Variants in CLASP2 observed in about 807,000 individuals in gnomAD.
CLASP2 encodes cytoplasmic linker associated protein 2.
A neutral mutation model predicts 194.4 loss-of-function variants in CLASP2; 47 were observed. That is an observed-to-expected ratio of 0.24 (90% CI 0.19 to 0.31). The LOEUF is 0.31. CLASP2 is among the 10% of genes least tolerant of loss of function. The probability of loss-of-function intolerance (pLI) is 1.00; values close to 1 mark genes in which losing one functional copy is unlikely to be tolerated. For missense variants in CLASP2, 1,445 were observed against 1,823.6 expected, an observed-to-expected ratio of 0.79 and a Z score of 3.78; for synonymous variants, 619 against 633.5, an observed-to-expected ratio of 0.98 and a Z score of 0.34.
At chr3:33,615,597 G>A (rs182063190) in intron 12 of CLASP2, among the ~76,000 whole-genome samples, 9 of 150,006 alleles carry the variant, frequency 6.0e-5, no homozygotes, top group African/African-American at 1.7e-4. Flanking sequence ...CTTGAATAAC[G>A]TAAATAAAAC....
chr3:33,633,450 T>A (rs1195972351), intron 8 of CLASP2, among the ~76,000 whole-genome samples: 1 of 152,194 alleles, frequency 6.6e-6, no homozygotes, highest in Non-Finnish European at 1.5e-5. Context: ...GAGAAAGTTG[T>A]TTCTGGTAGG....
intron 12 of CLASP2, among the ~76,000 whole-genome samples, chr3:33,612,848 A>G (rs1300419313): frequency 6.6e-6 from 1 of 152,152 alleles, no homozygotes; most frequent in East Asian, 1.9e-4. Flanking sequence ...AGTGGATCTC[A>G]TGAAGATAGA....
chr3:33,660,854 T>C (rs1266360399), intron 7 of CLASP2, among the ~76,000 whole-genome samples: 2 of 152,196 alleles, frequency 1.3e-5, no homozygotes, highest in Non-Finnish European at 2.9e-5. Flanking sequence ...ATTTACAGTT[T>C]TAGTTTTAGT....
At chr3:33,710,764 G>A (rs563206691) in intron 1 of CLASP2, among the ~76,000 whole-genome samples, 6 of 152,014 alleles carry the variant, frequency 3.9e-5, no homozygotes, top group African/African-American at 7.2e-5. Flanking sequence ...GTGAAACCCC[G>A]TCTCTACTAA....
chr3:33,667,845 T>G (rs2086469651), intron 6 of CLASP2, among the ~76,000 whole-genome samples: 1 of 152,248 alleles, frequency 6.6e-6, no homozygotes, highest in East Asian at 1.9e-4. Flanking sequence ...CTATATCTAG[T>G]GTTATGCTAG....
In CLASP2 at chr3:33,577,859, G is replaced by A. The variant is rs116288215; in HGVS notation, c.2348-1584C>T. Among the ~76,000 whole-genome samples the A allele has an allele frequency of 3.2e-3, 491 of 152,260 alleles. 3 individuals are homozygous for A. The highest frequency in any genetic ancestry group is 0.011 in the African/African-American group (472 of 41,538). ...TAACATTTGAAAACACAATGAGAAG[G>A]CATCATCTGTGAACAAAGGAATGGG... On this transcript the variant is annotated intron_variant, in intron 23 of 38. Coordinates refer to ENST00000682230, the MANE Select transcript of CLASP2 (RefSeq NM_001365631.1).
chr3:33,511,059 G>T (rs1270442269), intron 36 of CLASP2, among the ~76,000 whole-genome samples: 1 of 144,264 alleles, frequency 6.9e-6, no homozygotes, highest in Non-Finnish European at 1.5e-5. Flanking sequence ...TTGAGACAGG[G>T]TCTTGCTCTG....
intron 35 of CLASP2, 108 bp downstream of exon 35, chr3:33,516,873 C>T: frequency 1.1e-6 from 1 of 946,752 alleles, no homozygotes. Context: ...AAAGCAGCAG[C>T]AGAAGAGATT....
Position 33,638,544 on chromosome 3 carries a change from T to C in CLASP2, c.863-6173A>G, listed in dbSNP as rs573896208. Among the ~76,000 whole-genome samples the C allele has an allele frequency of 7.9e-5, 12 of 152,192 alleles. No individual in the cohort carries two copies. The South Asian group carries it at 2.3e-3, about 29-fold the overall frequency. ...GATGGTCTCGGTCTCCTGACCTTGT[T>C]AGCCGCCCGCCTAGGCCTCCCAAAG... On this transcript the variant is annotated intron_variant, in intron 8 of 38. Transcript: ENST00000682230.
In CLASP2 at chr3:33,497,490, A is replaced by G. The variant is rs539099496; in HGVS notation, c.*1141T>C. The G allele has an allele frequency of 6.5e-6, 1 of 152,770 alleles. No individual in the cohort carries two copies. Among genetic ancestry groups the G allele is most frequent in the South Asian group, 2.1e-4 (1 of 4,830 alleles). The allele number at this position is 152,770 out of a possible 1,614,324, so 9.5% of individuals were successfully genotyped here. A position where few individuals can be genotyped will look rare whatever the true frequency, so the allele number is the denominator to read the frequency against. On this transcript the variant is annotated 3_prime_UTR_variant, in exon 39 of 39. Transcript: ENST00000682230. ...AAAAGTAACAGAAAATCACCCTTTA[A>G]GTAGTTTTCCAAAAGACACTATAGG...
At chr3:33,660,606 A>G (rs940437163) in intron 7 of CLASP2, among the ~76,000 whole-genome samples, 1 of 152,236 alleles carries the variant, frequency 6.6e-6, no homozygotes, top group African/African-American at 2.4e-5. Flanking sequence ...AGGCAAAGAC[A>G]CACCAAAAAA....
chr3:33,650,938 A>T (rs1329273585), intron 7 of CLASP2, among the ~76,000 whole-genome samples: 1 of 152,232 alleles, frequency 6.6e-6, no homozygotes, highest in Non-Finnish European at 1.5e-5. Context: ...CCTGAAAGTC[A>T]AAAAGCTCTA....
intron 30 of CLASP2, among the ~76,000 whole-genome samples, chr3:33,548,196 G>GT (rs1242882812): frequency 1.3e-5 from 2 of 151,796 alleles, no homozygotes; most frequent in Admixed American, 6.6e-5. Flanking sequence ...TTTCATCTAA[G>GT]TTTTTTTATA....
In CLASP2 at chr3:33,591,647, A is replaced by G. The variant is rs116456282; in HGVS notation, c.2068+748T>C. 8.4e-3 allele frequency among the ~76,000 whole-genome samples: 1,285 copies of G among 152,316 alleles called. 21 individuals are homozygous for G. Among genetic ancestry groups the G allele is most frequent in the African/African-American group, 0.028 (1,162 of 41,582 alleles). ...TAAATACTTTTAAAAAATGCCATAA[A>G]TATGTTTACTATTCTGAAACATAGA... On this transcript the variant is annotated intron_variant, in intron 21 of 38. Coordinates refer to ENST00000682230, the MANE Select transcript of CLASP2 (RefSeq NM_001365631.1).
At chr3:33,655,586 C>G (rs772162023) in intron 7 of CLASP2, among the ~76,000 whole-genome samples, 1 of 152,138 alleles carries the variant, frequency 6.6e-6, no homozygotes, top group Non-Finnish European at 1.5e-5. Flanking sequence ...GAAAAGTTAG[C>G]CTTCTTGCCA....
At chr3:33,698,847 A>C (rs2092161982) in intron 1 of CLASP2, among the ~76,000 whole-genome samples, 3 of 152,188 alleles carry the variant, frequency 2.0e-5, no homozygotes, top group Non-Finnish European at 4.4e-5. Flanking sequence ...GACACACAAA[A>C]AAGCAAGGAG....
intron 29 of CLASP2, 176 bp downstream of exon 29, chr3:33,559,131 G>A (rs1365354547): frequency 1.4e-6 from 1 of 692,040 alleles, no homozygotes; most frequent in Middle Eastern, 2.3e-4. Context: ...AAACCTTGGA[G>A]CTCCAAAAAG....
In CLASP2 at chr3:33,663,472, C is replaced by G; in HGVS notation, c.688G>C (p.Gly230Arg). The stretch of plus-strand genomic sequence containing the variant: ...TTGCAGACACTCAAAATCATACCGC[C>G]TGAACTTTGCACTTCATCAAATTTG... ...FAKFDEVQSSGGMILSVCKDK... is the reference protein window; with the variant it reads ...FAKFDEVQSSRGMILSVCKDK... Residue 230 changes from glycine to arginine, a missense_variant, in exon 7 of 39, where the codon GGC (glycine) becomes CGC (arginine). Transcript: ENST00000682230. The G allele has an allele frequency of 6.2e-7, 1 of 1,612,620 alleles. No individual in the cohort carries two copies. The highest frequency in any genetic ancestry group is 1.1e-5 in the South Asian group (1 of 90,908).
At chr3:33,552,749 A>C (rs1188357848) in intron 29 of CLASP2, among the ~76,000 whole-genome samples, 1 of 152,130 alleles carries the variant, frequency 6.6e-6, no homozygotes, top group Non-Finnish European at 1.5e-5. Flanking sequence ...CAAAAATCCC[A>C]AATATAACAC....
Sources: allele counts gnomAD v4.1 joint callset (sites outside exome capture counted in the v4.1 genomes callset), GRCh38; gene constraint gnomAD v4.1.1; transcripts MANE v1.5; gene names NCBI Gene and HGNC (gene_info 2026-07-23, HGNC 2026-07-21).